STAP1: variants seen among roughly 807,000 people sequenced by gnomAD.
STAP1 encodes the protein signal transducing adaptor family member 1.
In STAP1, 30 loss-of-function variants were observed where a neutral mutation model predicts 37.8. That is an observed-to-expected ratio of 0.79 (90% CI 0.59 to 1.08). The LOEUF is 1.08. Among genes scored for constraint, STAP1 ranks in the 50% least tolerant of loss-of-function variants. The pLI is 0.00. For synonymous variants in STAP1, 130 were observed against 116.0 expected (o/e 1.12, Z -0.78); for missense variants, 357 against 349.4 (o/e 1.02, Z -0.17).
At chr4:67,575,004 T>A (rs762732022) in intron 2 of STAP1, among the ~76,000 whole-genome samples, 22 of 152,284 alleles carry the variant, frequency 1.4e-4, no homozygotes, top group Middle Eastern at 3.4e-3. Context: ...GAAATGAAGA[T>A]GTAAATAACC....
intron 8 of STAP1, among the ~76,000 whole-genome samples, chr4:67,597,402 G>A (rs917396639): frequency 6.6e-6 from 1 of 152,220 alleles, no homozygotes; most frequent in Non-Finnish European, 1.5e-5. Flanking sequence ...CTCGACTAGG[G>A]CAATGCAGAG....
intron 5 of STAP1, 44 bp from the exon 6 acceptor site, chr4:67,583,530 A>G: frequency 6.5e-7 from 1 of 1,546,050 alleles, no homozygotes; most frequent in Non-Finnish European, 8.7e-7. Flanking sequence ...AATGATCTTC[A>G]TCAGTTAAAA....
chr4:67,591,294 AT>A (rs1335736313), intron 7 of STAP1, among the ~76,000 whole-genome samples: 1 of 152,218 alleles, frequency 6.6e-6, no homozygotes, highest in Non-Finnish European at 1.5e-5. Context: ...TAATCCTCTA[AT>A]ACCTGTCTTG....
intron 8 of STAP1, 41 bp downstream of exon 8, chr4:67,593,397 C>A: frequency 7.0e-7 from 1 of 1,418,666 alleles, no homozygotes; most frequent in Non-Finnish European, 9.8e-7. Flanking sequence ...GGAAACAAAA[C>A]AAAACAAAAC....
chr4:67,564,145 A>T (rs1727413396), intron 1 of STAP1, among the ~76,000 whole-genome samples: 1 of 152,204 alleles, frequency 6.6e-6, no homozygotes, highest in South Asian at 2.1e-4. Context: ...AAGTCTCTGC[A>T]TACTGAATAT....
intron 1 of STAP1, among the ~76,000 whole-genome samples, chr4:67,566,718 C>A (rs1727479158): frequency 6.6e-6 from 1 of 152,138 alleles, no homozygotes; most frequent in Admixed American, 6.6e-5. Context: ...GCCTGTAATC[C>A]CCGCACTTTG....
intron 2 of STAP1, 24 bp from the exon 3 acceptor site, chr4:67,575,361 T>C (rs1338350329): frequency 4.0e-6 from 6 of 1,481,802 alleles, no homozygotes; most frequent in Non-Finnish European, 5.5e-6. Context: ...AATAATGTAA[T>C]GTGATCTTCC....
intron 1 of STAP1, among the ~76,000 whole-genome samples, chr4:67,560,189 T>C (rs915771903): frequency 1.3e-5 from 2 of 151,514 alleles, no homozygotes; most frequent in African/African-American, 2.4e-5. Flanking sequence ...AGAAGACATG[T>C]CATTGGTATG....
At chr4:67,581,732 C>T (rs1560461600) in intron 5 of STAP1, among the ~76,000 whole-genome samples, 1 of 152,196 alleles carries the variant, frequency 6.6e-6, no homozygotes, top group Non-Finnish European at 1.5e-5. Context: ...TTCCAGAGCT[C>T]ACGCCTAAAT....
chr4:67,606,930 A>C lies in STAP1; in HGVS notation c.*573A>C, dbSNP rs184858467. On this transcript the variant is annotated 3_prime_UTR_variant, in exon 9 of 9. Transcript: ENST00000265404. ...TGGTGTCATCTTTTTGCCACTCAAA[A>C]TCAGCCCATTATTTCCTTACAAAGA... 1 of 152,186 alleles carries C rather than the reference A, an allele frequency of 6.6e-6. No individual in the cohort carries two copies. The allele number at this position is 152,186 out of a possible 1,614,324, so 9.4% of individuals were successfully genotyped here. A position where few individuals can be genotyped will look rare whatever the true frequency, so the allele number is the denominator to read the frequency against.
At position 67,558,778 on chromosome 4, in the gene STAP1, G is replaced by C. The variant is rs770652491; in HGVS notation, c.-32G>C. On this transcript the variant is annotated 5_prime_UTR_variant, in exon 1 of 9. Transcript: ENST00000265404. ...AGGAAGATTTCATTTTGTTTGAGAC[G>C]AGAAACCAAACCACACACCAAAGAG... 168 of 1,588,980 alleles carry C rather than the reference G, an allele frequency of 1.1e-4. No individual in the cohort carries two copies. In the East Asian group the frequency reaches 3.7e-3, roughly 35 times the overall value.
Position 67,575,427 on chromosome 4 carries a change from G to C in STAP1, c.235G>C (p.Glu79Gln). The C allele has an allele frequency of 1.2e-6, 2 of 1,604,976 alleles. No individual in the cohort carries two copies. The highest frequency in any genetic ancestry group is 1.7e-6 in the Non-Finnish European group (2 of 1,177,398). ...CATAGTAGACCTCACATGCCTTACT[G>C]AGCAGAATTCAACTGAAAAGAACTG... ...LDIVDLTCLTEQNSTEKNCAK... is the reference protein window; with the variant it reads ...LDIVDLTCLTQQNSTEKNCAK... The change falls in exon 3 of 9, where the codon GAG (glutamate) becomes CAG (glutamine). Residue 79 changes from glutamate to glutamine, a missense_variant. By Grantham distance (29) the Glu-to-Gln change is conservative. Coordinates refer to ENST00000265404, the MANE Select transcript of STAP1 (RefSeq NM_012108.4).
At chr4:67,596,727 A>C (rs1179044955) in intron 8 of STAP1, among the ~76,000 whole-genome samples, 3 of 152,182 alleles carry the variant, frequency 2.0e-5, no homozygotes, top group African/African-American at 7.2e-5. Context: ...GGAATTTTGA[A>C]CGTGAGAGAG....
Position 67,581,310 on chromosome 4 carries a change from A to G in STAP1, c.369A>G (p.Ser123=), listed in dbSNP as rs1324338974. Residue 123 remains serine, a synonymous_variant, in exon 5 of 9, where the codon TCA becomes TCG. Coordinates refer to ENST00000265404, the MANE Select transcript of STAP1 (RefSeq NM_012108.4). The part of the protein sequence containing the change: ...RGFILTVTEL[S]VPQNVSLLPG... ...ACTCTTTTAATTGGTTTCAGCTGTC[A>G]GTTCCCCAAAACGTGTCACTCCTAC... 5 of 1,610,546 alleles carry G rather than the reference A, an allele frequency of 3.1e-6. No homozygotes were observed. The highest frequency in any genetic ancestry group is 4.2e-6 in the Non-Finnish European group (5 of 1,178,982).
intron 1 of STAP1, among the ~76,000 whole-genome samples, chr4:67,559,515 C>T (rs1231211193): frequency 6.6e-6 from 1 of 151,974 alleles, no homozygotes; most frequent in African/African-American, 2.4e-5. Context: ...GTATTAAGTA[C>T]ACTAAGCTAC....
intron 1 of STAP1, among the ~76,000 whole-genome samples, chr4:67,559,178 A>G (rs2109849902): frequency 6.6e-6 from 1 of 152,358 alleles, no homozygotes; most frequent in East Asian, 1.9e-4. Flanking sequence ...AATATAAAAA[A>G]GTCAATAAGC....
chr4:67,594,925 C>T (rs1475432174), intron 8 of STAP1, among the ~76,000 whole-genome samples: 4 of 151,960 alleles, frequency 2.6e-5, no homozygotes, highest in South Asian at 4.2e-4. Flanking sequence ...AGCTCTGAAC[C>T]GATACAAGCT....
intron 3 of STAP1, 42 bp from the exon 4 acceptor site, chr4:67,577,161 A>G (rs765921218): frequency 9.6e-6 from 15 of 1,555,724 alleles, no homozygotes; most frequent in Middle Eastern, 1.7e-4. Context: ...TCACTCATGT[A>G]TTTCCTTCTT....
At chr4:67,606,206 G>T (rs187925935) in intron 8 of STAP1, 90 bp from the exon 9 acceptor site, 1 of 1,012,598 alleles carries the variant, frequency 9.9e-7, no homozygotes, top group South Asian at 1.5e-5. Flanking sequence ...TTCCACACAC[G>T]AGCAGGAAAA....
Sources: allele counts gnomAD v4.1 joint callset (sites outside exome capture counted in the v4.1 genomes callset), GRCh38; gene constraint gnomAD v4.1.1; transcripts MANE v1.5; gene names NCBI Gene and HGNC (gene_info 2026-07-23, HGNC 2026-07-21).